The following SDK2 variants were observed in gnomAD, a reference collection of about 807,000 sequenced individuals.
SDK2 encodes the protein protein sidekick-2.
A neutral mutation model predicts 253.9 loss-of-function variants in SDK2; 105 were observed. The ratio of observed to expected loss-of-function variants is 0.41; its 90% CI spans 0.35 to 0.49. The LOEUF (loss-of-function observed/expected upper bound fraction) is 0.49. Among genes scored for constraint, SDK2 ranks in the 20% least tolerant of loss-of-function variants. The pLI, the probability that SDK2 is intolerant of heterozygous loss-of-function variation, is 0.06. For missense variants in SDK2, 2,608 were observed against 3,003.0 expected, an observed-to-expected ratio of 0.87 and a Z score of 3.07; for synonymous variants, 1,249 against 1,234.9, an observed-to-expected ratio of 1.01 and a Z score of -0.24.
chr17:73,584,330 GGCGGCCCCACCTAGCACCAGC>G (rs1432612346), intron 1 of SDK2, among the ~76,000 whole-genome samples: 1 of 152,222 alleles, frequency 6.6e-6, no homozygotes, highest in Non-Finnish European at 1.5e-5. Context: ...AAGCTGCCTT[GGCGGCCCCACCTAGCACCAGC>G]TTTTCCAATA....
chr17:73,552,237 G>A (rs758539430), intron 1 of SDK2, among the ~76,000 whole-genome samples: 22 of 152,202 alleles, frequency 1.4e-4, no homozygotes, highest in Non-Finnish European at 2.5e-4. Flanking sequence ...CAGCAGAAAC[G>A]CACTAAAATT....
chr17:73,350,469 T>C, intron 42 of SDK2, 94 bp from the exon 43 acceptor site: 1 of 1,495,252 alleles, frequency 6.7e-7, no homozygotes. Context: ...CTCTTTCTCT[T>C]GGTAGAGTTG....
intron 1 of SDK2, among the ~76,000 whole-genome samples, chr17:73,572,381 A>C (rs1367447126): frequency 6.6e-6 from 1 of 151,802 alleles, no homozygotes; most frequent in Non-Finnish European, 1.5e-5. Context: ...TGCACCACGC[A>C]CTGTTTTCTG....
chr17:73,584,663 ACT>A (rs1377375777), intron 1 of SDK2, among the ~76,000 whole-genome samples: 1 of 151,002 alleles, frequency 6.6e-6, no homozygotes, highest in African/African-American at 2.4e-5. Flanking sequence ...TGGCTCTGCC[ACT>A]GACTTACAGA....
At chr17:73,580,677 G>A (rs1204276742) in intron 1 of SDK2, among the ~76,000 whole-genome samples, 3 of 152,238 alleles carry the variant, frequency 2.0e-5, no homozygotes, top group Non-Finnish European at 4.4e-5. Flanking sequence ...ATGTGTAAGC[G>A]GAGGAGCTAC....
intron 16 of SDK2, among the ~76,000 whole-genome samples, chr17:73,417,235 C>T (rs1271472926): frequency 2.0e-5 from 2 of 100,846 alleles, no homozygotes; most frequent in African/African-American, 7.3e-5. Flanking sequence ...GAAATCTTGT[C>T]TCTACTAAAA....
chr17:73,390,267 T>C lies in SDK2; in HGVS notation c.4192+20A>G. On this transcript the variant is annotated intron_variant, in intron 29 of 44. Coordinates refer to ENST00000392650, the MANE Select transcript of SDK2 (RefSeq NM_001144952.2). ...CCCTCAGCTGCCCCCAAGCCTTCCC[T>C]GGCCCCCGTGGGCAGTCACCTCTCT... is the stretch of plus-strand genomic sequence containing the variant. 6.5e-7 allele frequency: 1 copy of C among 1,540,690 alleles called. No individual in the cohort carries two copies. Among genetic ancestry groups the C allele is most frequent in the Non-Finnish European group, 8.7e-7 (1 of 1,147,532 alleles).
chr17:73,584,541 C>A (rs931560130), intron 1 of SDK2, among the ~76,000 whole-genome samples: 2 of 152,222 alleles, frequency 1.3e-5, no homozygotes, highest in Middle Eastern at 3.2e-3. Context: ...CTGTAGGAGG[C>A]TTTGGAGAGA....
At position 73,383,457 on chromosome 17, in the gene SDK2, C is replaced by T; in HGVS notation, c.4705+419G>A. Among the ~76,000 whole-genome samples the T allele has an allele frequency of 6.6e-6, 1 of 152,230 alleles. No individual in the cohort carries two copies. The highest frequency in any genetic ancestry group is 1.5e-5 in the Non-Finnish European group (1 of 68,040). On this transcript the variant is annotated intron_variant, in intron 33 of 44. Transcript: ENST00000392650. This position sits in a 1 kb window ranked among gnomAD's most constrained non-coding sequence, Gnocchi z 4.3. ...CTTCTGGTCCCTCAAGGGCAGGGTG[C>T]TCCTTCTCATGCACCGGGCTGTCCC...
At chr17:73,464,937 G>A (rs2063587076) in intron 3 of SDK2, among the ~76,000 whole-genome samples, 1 of 152,130 alleles carries the variant, frequency 6.6e-6, no homozygotes, top group Non-Finnish European at 1.5e-5. Flanking sequence ...GGGCAGAGAC[G>A]TGTGTCTTGG....
Position 73,504,193 on chromosome 17 carries a change from CGT to C in SDK2, c.224+3243_224+3244del, listed in dbSNP as rs898731477. ...GACAGAGGAGATGGAGCAGTGCGTG[CGT>C]GTGTGTGTGTGTGTGTGTGTGAGAG... On this transcript the variant is annotated intron_variant, in intron 2 of 44. Coordinates refer to ENST00000392650, the MANE Select transcript of SDK2 (RefSeq NM_001144952.2). The C allele has an allele frequency of 1.9e-3, 173 of 93,372 alleles. 1 individual carries two copies. The highest frequency in any genetic ancestry group is 5.2e-3 in the African/African-American group (111 of 21,334). The allele number at this position is 93,372 out of a possible 1,614,324, so 5.8% of individuals were successfully genotyped here. A position where few individuals can be genotyped will look rare whatever the true frequency, so the allele number is the denominator to read the frequency against.
intron 2 of SDK2, among the ~76,000 whole-genome samples, chr17:73,497,449 A>G (rs943367954): frequency 9.2e-5 from 14 of 152,178 alleles, no homozygotes; most frequent in Admixed American, 8.5e-4. Flanking sequence ...TCCTAAATTA[A>G]TATCTTCAGA....
chr17:73,345,173 G>C (rs374582723), intron 44 of SDK2, among the ~76,000 whole-genome samples: 2 of 152,146 alleles, frequency 1.3e-5, no homozygotes, highest in East Asian at 3.9e-4. Context: ...ACAAAAATTA[G>C]CTTGGTGTGG....
intron 15 of SDK2, 26 bp downstream of exon 15, chr17:73,422,261 C>T (rs946584357): frequency 6.2e-7 from 1 of 1,612,578 alleles, no homozygotes; most frequent in African/African-American, 1.3e-5. Flanking sequence ...CCTGGCGACG[C>T]CCCTGTAGAG....
rs1300358780 is a variant in SDK2, at chr17:73,612,442, AC to A, written c.64+31582del. On this transcript the variant is annotated intron_variant, in intron 1 of 44. Coordinates refer to ENST00000392650, the MANE Select transcript of SDK2 (RefSeq NM_001144952.2). This position sits in a 1 kb window ranked among gnomAD's most constrained non-coding sequence, Gnocchi z 4.4. The stretch of plus-strand genomic sequence containing the variant: ...GCAGGCTGGCCTCCCAAGGTCCCCT[AC>A]CCTCACTGGGTCCTTGTGGCCCTGC... Among the ~76,000 whole-genome samples, 1 of 152,046 alleles carries A rather than the reference AC, an allele frequency of 6.6e-6. No homozygotes were observed. The highest frequency in any genetic ancestry group is 1.5e-5 in the Non-Finnish European group (1 of 67,994).
chr17:73,537,917 G>T (rs958334027), intron 1 of SDK2, among the ~76,000 whole-genome samples: 1 of 152,142 alleles, frequency 6.6e-6, no homozygotes, highest in Non-Finnish European at 1.5e-5. Context: ...CCCCCCAAAG[G>T]CTGAAAGAAA....
chr17:73,522,117 T>C (rs748338869), intron 1 of SDK2, among the ~76,000 whole-genome samples: 64 of 151,720 alleles, frequency 4.2e-4, no homozygotes, highest in Non-Finnish European at 8.4e-4. Context: ...ATTAAAGGTT[T>C]GTTTTTTTGC....
intron 3 of SDK2, among the ~76,000 whole-genome samples, chr17:73,457,424 C>T (rs934264259): frequency 1.3e-5 from 2 of 150,782 alleles, no homozygotes; most frequent in Non-Finnish European, 3.0e-5. Flanking sequence ...AATCTTGGCT[C>T]ACTGCAACCT....
chr17:73,450,139 T>C (rs938188500), intron 4 of SDK2, among the ~76,000 whole-genome samples: 4 of 152,166 alleles, frequency 2.6e-5, no homozygotes, highest in African/African-American at 9.7e-5. Context: ...GGCTGAGAGT[T>C]GGAGGAGGGG....
Sources: allele counts gnomAD v4.1 joint callset (sites outside exome capture counted in the v4.1 genomes callset), GRCh38; gene constraint gnomAD v4.1.1; non-coding constraint Gnocchi (gnomAD v3.1); transcripts MANE v1.5; gene names NCBI Gene and HGNC (gene_info 2026-07-23, HGNC 2026-07-21).